Variants in PARP10 observed in about 807,000 individuals in gnomAD.
PARP10 encodes the protein poly(ADP-ribose) polymerase family member 10, also known as protein mono-ADP-ribosyltransferase PARP10.
Under a neutral mutation model 82.4 loss-of-function variants are expected in PARP10, and 56 were observed. The ratio of observed to expected loss-of-function variants is 0.68; its 90% CI spans 0.55 to 0.85. The LOEUF is 0.85. PARP10 is among the 40% of genes least tolerant of loss of function. PARP10 has a pLI of 0.00. For synonymous variants in PARP10, 576 were observed against 601.1 expected, an observed-to-expected ratio of 0.96 and a Z score of 0.61; for missense variants, 1,227 against 1,379.4, an observed-to-expected ratio of 0.89 and a Z score of 1.75.
upstream of PARP10, among the ~76,000 whole-genome samples, chr8:143,995,964 C>T (rs1165097027): frequency 1.3e-5 from 2 of 152,198 alleles, no homozygotes; most frequent in Admixed American, 6.5e-5. Flanking sequence ...CTTCCAAATA[C>T]GATGCATTGA....
chr8:144,002,093 A>G (rs1467558589), intron 1 of PARP10, among the ~76,000 whole-genome samples: 4 of 152,144 alleles, frequency 2.6e-5, no homozygotes, highest in African/African-American at 9.7e-5. Flanking sequence ...AATGCTGATA[A>G]TTGTACAAGC....
Position 144,011,688 on chromosome 8 carries a change from T to G in PARP10, c.-80+842A>C, listed in dbSNP as rs1834285249. ...TTAGAACCAGGTGAGGGATGCAGTC[T>G]TGGGCTCCTGAAGGACTAAAGTCAG... is the stretch of plus-strand genomic sequence containing the variant. On this transcript the variant is annotated intron_variant, in intron 1 of 3. Transcript: ENST00000530478. This position sits in a 1 kb window ranked among gnomAD's most constrained non-coding sequence, Gnocchi z 4.5. Among the ~76,000 whole-genome samples, 1 of 152,076 alleles carries G rather than the reference T, an allele frequency of 6.6e-6. No homozygotes were observed. Among genetic ancestry groups the G allele is most frequent in the South Asian group, 2.1e-4 (1 of 4,824 alleles).
At chr8:144,009,889 G>A (rs1554752333) in intron 1 of PARP10, among the ~76,000 whole-genome samples, 1 of 152,028 alleles carries the variant, frequency 6.6e-6, no homozygotes, top group Non-Finnish European at 1.5e-5. Context: ...CACCTCCATG[G>A]CACCACCTGT....
At chr8:143,998,314 G>A in intron 1 of PARP10, among the ~76,000 whole-genome samples, 1 of 152,166 alleles carries the variant, frequency 6.6e-6, no homozygotes, top group African/African-American at 2.4e-5. Context: ...TGGACCAGGG[G>A]CAGATGTGAA....
upstream of PARP10, chr8:143,991,677 C>G: frequency 6.2e-7 from 1 of 1,601,208 alleles, no homozygotes; most frequent in Non-Finnish European, 8.6e-7. Context: ...CTGACCCAGC[C>G]TGTCTGCTTC....
At chr8:144,001,768 T>C (rs951702672) in intron 1 of PARP10, among the ~76,000 whole-genome samples, 2 of 151,752 alleles carry the variant, frequency 1.3e-5, no homozygotes, top group Non-Finnish European at 2.9e-5. Flanking sequence ...CTGGGCACAG[T>C]GGCTCAAGCC....
At chr8:143,980,314 C>T (rs1442943893) in intron 9 of PARP10, among the ~76,000 whole-genome samples, 44 of 92,176 alleles carry the variant, frequency 4.8e-4, no homozygotes, top group Non-Finnish European at 5.9e-4. Flanking sequence ...AGTGAGATTC[C>T]GTCTCAAAAA....
At position 143,986,099 on chromosome 8, in the gene PARP10, T is replaced by A; in HGVS notation, c.137A>T (p.Gln46Leu). The change falls in exon 2 of 11, where the codon CAG (glutamine) becomes CTG (leucine). Residue 46 changes from glutamine (Q) to leucine (L), a missense_variant. By Grantham distance (113) the Gln-to-Leu change is moderately radical. Transcript: ENST00000313028. ...RSGGGPVLSW[Q>L]RLGCGGVLTF... ...GAGGACGCCCCCACAGCCCAGTCTC[T>A]GCCAGCTCAACACAGGTCCCCCTCC... 6.2e-7 allele frequency: 1 copy of A among 1,614,088 alleles called. No individual in the cohort carries two copies. The highest frequency in any genetic ancestry group is 8.5e-7 in the Non-Finnish European group (1 of 1,180,000).
Position 143,977,566 on chromosome 8 carries a change from G to T in PARP10, c.2996C>A (p.Thr999Asn). The stretch of plus-strand genomic sequence containing the variant: ...CACGTGCTCGCAGGTGATGAGGTGG[G>T]TGGGCAGCGCCTGGGTGTCGTGGAA... ...VIFHDTQALP[T>N]HLITCEHVPR... is the part of the protein sequence containing the mutation. The change falls in exon 11 of 11, where the codon ACC (threonine) becomes AAC (asparagine). Residue 999 changes from threonine (T) to asparagine (N), a missense_variant. Physicochemically the swap from Thr to Asn is moderately conservative, Grantham distance 65 (BLOSUM62 0). Coordinates refer to ENST00000313028, the MANE Select transcript of PARP10 (RefSeq NM_032789.5). 6.4e-7 allele frequency: 1 copy of T among 1,573,220 alleles called. No homozygotes were observed. Among genetic ancestry groups the T allele is most frequent in the Non-Finnish European group, 8.6e-7 (1 of 1,159,754 alleles).
upstream of PARP10, chr8:143,991,729 A>G (rs1554750539): frequency 4.3e-6 from 7 of 1,613,092 alleles, no homozygotes; most frequent in South Asian, 6.6e-5. Context: ...AGGGTCCCCC[A>G]TCCTACTATG....
chr8:143,980,917 G>A (rs973416112), intron 9 of PARP10, among the ~76,000 whole-genome samples: 2 of 151,900 alleles, frequency 1.3e-5, no homozygotes, highest in African/African-American at 2.4e-5. Flanking sequence ...AAACCTTTAC[G>A]ACATAATAAA....
At chr8:143,989,375 GA>G (rs1554750099), upstream of PARP10, 1 of 152,238 alleles carries the variant, frequency 6.6e-6, no homozygotes, top group Non-Finnish European at 1.5e-5. The surrounding 1 kb of genome is among the most constrained non-coding windows in gnomAD (Gnocchi z 4.3). Flanking sequence ...TCTCTAGTGT[GA>G]AAACAAGACA....
chr8:144,010,913 T>G (rs1834275940), intron 1 of PARP10, among the ~76,000 whole-genome samples: 1 of 151,664 alleles, frequency 6.6e-6, no homozygotes, highest in Non-Finnish European at 1.5e-5. Flanking sequence ...ATAAACAAAT[T>G]TAAAAATTAA....
chr8:143,990,009 C>A (rs1444803624), upstream of PARP10: 1 of 151,678 alleles, frequency 6.6e-6, no homozygotes, highest in Admixed American at 6.6e-5. The surrounding 1 kb of genome is among the most constrained non-coding windows in gnomAD (Gnocchi z 5.6). Context: ...CCACCTGCCC[C>A]TCCCACCCCG....
chr8:143,986,280 T>A (rs1554749375), intron 1 of PARP10, 47 bp from the exon 2 acceptor site: 10 of 1,613,198 alleles, frequency 6.2e-6, no homozygotes, highest in Non-Finnish European at 8.5e-6. Context: ...ATTCCACCCC[T>A]CCTGCCCCTC....
intron 1 of PARP10, among the ~76,000 whole-genome samples, chr8:144,010,201 C>T (rs1834264550): frequency 6.6e-6 from 1 of 152,196 alleles, no homozygotes; most frequent in Non-Finnish European, 1.5e-5. Flanking sequence ...CAGCATTTAT[C>T]GCAGGGTAAG....
At chr8:143,986,513 C>T, upstream of PARP10, 1 of 1,183,114 alleles carries the variant, frequency 8.5e-7, no homozygotes, top group South Asian at 1.3e-5. Context: ...GGCGCTGAGG[C>T]CTGGGTACTG....
At chr8:143,984,477 GAAAGGT>G (rs1554748666) in intron 5 of PARP10, 46 bp from the exon 6 acceptor site, 2 of 1,593,462 alleles carry the variant, frequency 1.3e-6, no homozygotes, top group African/African-American at 1.3e-5. Flanking sequence ...TAGAGCACAG[GAAAGGT>G]ACTTTGAGTC....
intron 1 of PARP10, among the ~76,000 whole-genome samples, chr8:144,005,630 G>A (rs782539310): frequency 1.8e-4 from 28 of 151,934 alleles, no homozygotes; most frequent in East Asian, 5.8e-4. Context: ...TCTCTGGCCC[G>A]GCCGTCCCCT....
Sources: gnomAD v4.1 joint callset for allele counts (sites outside exome capture counted in the v4.1 genomes callset) on GRCh38, gnomAD v4.1.1 for gene constraint, Gnocchi (gnomAD v3.1) non-coding constraint, MANE v1.5 for transcripts, NCBI Gene and HGNC (gene_info 2026-07-23, HGNC 2026-07-21) for gene names.